The following VCPIP1 variants were observed in gnomAD, a reference collection of about 807,000 sequenced individuals.
VCPIP1 encodes deubiquitinating protein VCPIP1.
In VCPIP1, 8 loss-of-function variants were observed where a neutral mutation model predicts 85.0. That is an observed-to-expected ratio of 0.09 (90% confidence interval 0.06 to 0.17). VCPIP1 has a LOEUF of 0.17. Ranked by LOEUF, VCPIP1 falls within the 10% of genes least tolerant of loss-of-function variation. The pLI is 1.00. For missense variants in VCPIP1, 1,070 were observed against 1,486.3 expected, an observed-to-expected ratio of 0.72 and a Z score of 4.61; for synonymous variants, 543 against 544.5, an observed-to-expected ratio of 1.00 and a Z score of 0.04.
At position 66,666,250 on chromosome 8, in the gene VCPIP1, C is replaced by G. The variant is rs1811208325; in HGVS notation, c.709G>C (p.Ala237Pro). Reference protein sequence around the residue: ...ALVGRELFWHALRENLKQHFQ... With the variant: ...ALVGRELFWHPLRENLKQHFQ... ...TGCTGTTTAAGATTCTCTCTTAAGG[C>G]ATGCCAGAAGAGCTCTCGGCCTACT... Residue 237 changes from alanine to proline, a missense_variant, in exon 1 of 3, where the codon GCC becomes CCC. By Grantham distance (27) the Ala-to-Pro change is conservative. Transcript: ENST00000310421. This position sits in a 1 kb window ranked among gnomAD's most constrained non-coding sequence, Gnocchi z 6.3. 6.2e-7 allele frequency: 1 copy of G among 1,613,944 alleles called. No individual in the cohort carries two copies. Among genetic ancestry groups the G allele is most frequent in the Non-Finnish European group, 8.5e-7 (1 of 1,180,014 alleles).
rs751406818 is a variant in VCPIP1, at chr8:66,666,966, G to A, written c.-8C>T. ...CGGCGGCGGCTGAGACATAGCTCCT[G>A]GCTCTCGTGTCTCGCTCCGCGTCCC... On this transcript the variant is annotated 5_prime_UTR_variant, in exon 1 of 3. Transcript: ENST00000310421. This position sits in a 1 kb window ranked among gnomAD's most constrained non-coding sequence, Gnocchi z 6.3. 2.6e-6 allele frequency: 4 copies of A among 1,545,404 alleles called. No homozygotes were observed. Among genetic ancestry groups the A allele is most frequent in the African/African-American group, 1.4e-5 (1 of 72,056 alleles).
Position 66,635,103 on chromosome 8 carries a change from T to C in VCPIP1, c.3067A>G (p.Thr1023Ala), listed in dbSNP as rs772077861. 6.2e-7 allele frequency: 1 copy of C among 1,614,216 alleles called. No homozygotes were observed. The part of the protein sequence containing the change: ...KKKSEQLHNV[T>A]AFQGKGHSLG... ...GAATGCCCTTTTCCCTGAAAGGCAG[T>C]TACGTTATGAAGTTGCTCAGATTTC... is the stretch of plus-strand genomic sequence containing the variant. Residue 1023 changes from threonine (T) to alanine (A), a missense_variant, in exon 3 of 3, where the codon ACT becomes GCT. By Grantham distance (58) the Thr-to-Ala change is moderately conservative (BLOSUM62 0). Coordinates refer to ENST00000310421, the MANE Select transcript of VCPIP1 (RefSeq NM_025054.5).
intron 2 of VCPIP1, among the ~76,000 whole-genome samples, chr8:66,643,380 A>G (rs1440600091): frequency 6.6e-6 from 1 of 151,724 alleles, no homozygotes; most frequent in Non-Finnish European, 1.5e-5. Context: ...TTAGAGAGAA[A>G]TTTATAGCTT....
In VCPIP1 at chr8:66,657,604, T is replaced by G. The variant is rs535967720; in HGVS notation, c.2711-6060A>C. 6.2e-4 allele frequency among the ~76,000 whole-genome samples: 94 copies of G among 152,336 alleles called. 1 individual carries two copies. The highest frequency in any genetic ancestry group is 1.0e-3 in the Non-Finnish European group (70 of 68,032). ...TGTCACCAGCAGCATTAATGAATAT[T>G]TTTATCATACACAGACATGCACACA... On this transcript the variant is annotated intron_variant, in intron 1 of 2. Transcript: ENST00000310421.
chr8:66,637,685 T>C (rs1240125397), intron 2 of VCPIP1, among the ~76,000 whole-genome samples: 1 of 142,206 alleles, frequency 7.0e-6, no homozygotes, highest in Non-Finnish European at 1.5e-5. Context: ...TTCCATTACT[T>C]AGGGCCGGGC....
Position 66,651,518 on chromosome 8 carries a change from C to G in VCPIP1, c.2737G>C (p.Gly913Arg). 1 of 1,613,212 alleles carries G rather than the reference C, an allele frequency of 6.2e-7. No individual in the cohort carries two copies. The highest frequency in any genetic ancestry group is 8.5e-7 in the Non-Finnish European group (1 of 1,179,760). The change falls in exon 2 of 3, where the codon GGA (glycine) becomes CGA (arginine). Residue 913 changes from glycine to arginine, a missense_variant. Around this residue, in one of 8 missense-constraint regions of VCPIP1, gnomAD observed 46 missense variants for 95.2 expected, o/e 0.48. Coordinates refer to ENST00000310421, the MANE Select transcript of VCPIP1 (RefSeq NM_025054.5). ...CCCTGCTGAAACATGTGAGGAAGTC[C>G]CTTTGCATAAGACCATACATCTTCT... is the stretch of plus-strand genomic sequence containing the variant. ...MGEDVWSYAK[G>R]LPHMFQQGGV... is the part of the protein sequence containing the mutation.
chr8:66,652,351 C>T (rs1471714518), intron 1 of VCPIP1, among the ~76,000 whole-genome samples: 1 of 152,186 alleles, frequency 6.6e-6, no homozygotes, highest in Non-Finnish European at 1.5e-5. Flanking sequence ...GGCTCACTCA[C>T]ACCTGTAATC....
intron 1 of VCPIP1, among the ~76,000 whole-genome samples, chr8:66,662,112 G>T (rs554275533): frequency 1.8e-4 from 27 of 152,042 alleles, no homozygotes; most frequent in African/African-American, 6.5e-4. Flanking sequence ...GCCCATGTCC[G>T]TTTATTAGTC....
intron 1 of VCPIP1, among the ~76,000 whole-genome samples, chr8:66,659,444 T>C (rs755941537): frequency 1.8e-4 from 27 of 152,170 alleles, no homozygotes; most frequent in Non-Finnish European, 3.2e-4. Flanking sequence ...GGGTAAAATA[T>C]TGTTATTCCA....
chr8:66,648,856 C>T (rs1811023676), intron 2 of VCPIP1, among the ~76,000 whole-genome samples: 1 of 152,038 alleles, frequency 6.6e-6, no homozygotes, highest in East Asian at 2.0e-4. Flanking sequence ...TGTGCTCAGC[C>T]CCAGTAAAAC....
rs189211341 is a variant in VCPIP1 at position 66,654,748 on chromosome 8, C to A, written c.2711-3204G>T. 4.4e-3 allele frequency among the ~76,000 whole-genome samples: 672 copies of A among 152,318 alleles called. 4 individuals carry two copies. The highest frequency in any genetic ancestry group is 4.2e-3 in the Non-Finnish European group (289 of 68,028). ...CTCCAACCCTCCTAACGCCCAGGTT[C>A]AATGCCTGGATTACTGCCACTTCCT... is the stretch of plus-strand genomic sequence containing the variant. On this transcript the variant is annotated intron_variant, in intron 1 of 2. Transcript: ENST00000310421.
intron 1 of VCPIP1, chr8:66,653,429 A>G (rs1811071657): frequency 1.3e-5 from 2 of 152,220 alleles, no homozygotes; most frequent in Non-Finnish European, 2.9e-5. Flanking sequence ...TCAAAAAAAG[A>G]TAGGGTGGTA....
chr8:66,659,104 G>GA (rs1811128807), intron 1 of VCPIP1, among the ~76,000 whole-genome samples: 1 of 150,972 alleles, frequency 6.6e-6, no homozygotes, highest in Non-Finnish European at 1.5e-5. Flanking sequence ...ATAACACTAA[G>GA]AAAAAATAAA....
In VCPIP1 at chr8:66,666,494, G is replaced by C; in HGVS notation, c.465C>G (p.Gly155=). 6.2e-6 allele frequency: 10 copies of C among 1,614,128 alleles called. No homozygotes were observed. Among genetic ancestry groups the C allele is most frequent in the Non-Finnish European group, 8.5e-6 (10 of 1,180,022 alleles). The change falls in exon 1 of 3, where the codon GGC becomes GGG. Residue 155 remains glycine (G), a synonymous_variant. Coordinates refer to ENST00000310421, the MANE Select transcript of VCPIP1 (RefSeq NM_025054.5). The surrounding 1 kb of genome is among the most constrained non-coding windows in gnomAD (Gnocchi z 6.3). Reference sequence around the variant, plus strand: ...CCAGTAAGGCGCAATCGAACAGTTCGCCCTGGTTCATGTCCCGGAGAAGCT... The same window carrying C: ...CCAGTAAGGCGCAATCGAACAGTTCCCCCTGGTTCATGTCCCGGAGAAGCT... The part of the protein sequence containing the change: ...RAKLLRDMNQ[G]ELFDCALLGD...
chr8:66,644,405 T>C (rs766428579), intron 2 of VCPIP1, among the ~76,000 whole-genome samples: 2 of 152,184 alleles, frequency 1.3e-5, no homozygotes, highest in African/African-American at 2.4e-5. Context: ...TAATTCACGC[T>C]ATCAACAAAC....
intron 2 of VCPIP1, among the ~76,000 whole-genome samples, chr8:66,645,069 T>C (rs938442903): frequency 5.4e-5 from 8 of 149,486 alleles, no homozygotes; most frequent in Non-Finnish European, 1.2e-4. Context: ...TGGGCTAAGA[T>C]TGCGCCACTG....
intron 1 of VCPIP1, among the ~76,000 whole-genome samples, chr8:66,662,104 C>T (rs1811163887): frequency 6.6e-6 from 1 of 151,928 alleles, no homozygotes; most frequent in Non-Finnish European, 1.5e-5. Flanking sequence ...ATAATCCTGC[C>T]CATGTCCGTT....
intron 2 of VCPIP1, among the ~76,000 whole-genome samples, chr8:66,639,833 G>C (rs549155310): frequency 1.2e-4 from 18 of 152,182 alleles, no homozygotes; most frequent in Admixed American, 1.1e-3. Context: ...AGAGGGGCTT[G>C]ATACGTTTTG....
chr8:66,632,477 A>G lies in VCPIP1; in HGVS notation c.*2024T>C, dbSNP rs1018116333. Reference sequence around the variant, plus strand: ...AATAAAGTTGTCAGAGATTAAGTCCATCTTCTAACATTCACATACGCATTC... The same window carrying G: ...AATAAAGTTGTCAGAGATTAAGTCCGTCTTCTAACATTCACATACGCATTC... On this transcript the variant is annotated 3_prime_UTR_variant, in exon 3 of 3. Transcript: ENST00000310421. The G allele has an allele frequency of 6.6e-6, 1 of 152,156 alleles. No homozygotes were observed. The highest frequency in any genetic ancestry group is 6.5e-5 in the Admixed American group (1 of 15,278). The allele number at this position is 152,156 out of a possible 1,614,324, so 9.4% of individuals were successfully genotyped here.
Sources: allele counts gnomAD v4.1 joint callset (sites outside exome capture counted in the v4.1 genomes callset), GRCh38; gene constraint gnomAD v4.1.1; regional missense constraint gnomAD v4.1.1; non-coding constraint Gnocchi (gnomAD v3.1); transcripts MANE v1.5; gene names NCBI Gene and HGNC (gene_info 2026-07-23, HGNC 2026-07-21).